The following C3orf70 variants were observed in gnomAD, a reference collection of about 807,000 sequenced individuals.
C3orf70 encodes UPF0524 protein C3orf70.
Under a neutral mutation model 20.7 loss-of-function variants are expected in C3orf70, and 15 were observed. That is an observed-to-expected ratio of 0.72 (90% CI 0.48 to 1.11). The LOEUF (loss-of-function observed/expected upper bound fraction) is 1.11, where lower values mean the gene tolerates loss of function less well. Among genes scored for constraint, C3orf70 ranks in the 50% most tolerant of loss-of-function variants. C3orf70 has a pLI of 0.00. For missense variants in C3orf70, 332 were observed against 317.6 expected, an observed-to-expected ratio of 1.05 and a Z score of -0.34; for synonymous variants, 161 against 125.7, an observed-to-expected ratio of 1.28 and a Z score of -1.88.
chr3:185,097,487 T>G (rs559091814), intron 1 of C3orf70, among the ~76,000 whole-genome samples: 8 of 152,344 alleles, frequency 5.3e-5, no homozygotes, highest in African/African-American at 1.9e-4. Context: ...ACTACTGAGT[T>G]AAAAGTGCTT....
At chr3:185,106,609 G>A (rs1412198362) in intron 1 of C3orf70, among the ~76,000 whole-genome samples, 6 of 152,218 alleles carry the variant, frequency 3.9e-5, no homozygotes, top group Non-Finnish European at 8.8e-5. Flanking sequence ...CACCATGAGG[G>A]CCCGTCCCAG....
At chr3:185,116,801 C>T (rs576043769) in intron 1 of C3orf70, among the ~76,000 whole-genome samples, 2 of 146,978 alleles carry the variant, frequency 1.4e-5, no homozygotes, top group Non-Finnish European at 3.0e-5. Flanking sequence ...TTTTTTGAGA[C>T]GGAGTCTTGC....
chr3:185,096,407 A>G (rs1025470371), intron 1 of C3orf70, among the ~76,000 whole-genome samples: 1 of 152,204 alleles, frequency 6.6e-6, no homozygotes, highest in African/African-American at 2.4e-5. Context: ...TGTAAAATCT[A>G]TAAAGGGAGT....
At chr3:185,141,959 G>A (rs1191679889) in intron 1 of C3orf70, among the ~76,000 whole-genome samples, 2 of 152,118 alleles carry the variant, frequency 1.3e-5, no homozygotes, top group Non-Finnish European at 2.9e-5. Context: ...GGTTTCCTTA[G>A]AAAAATGATT....
chr3:185,085,840 G>C (rs1033667534), intron 1 of C3orf70, among the ~76,000 whole-genome samples: 2 of 151,324 alleles, frequency 1.3e-5, no homozygotes, highest in Non-Finnish European at 1.5e-5. Context: ...GTATGGGCAC[G>C]GGATAGAGAA....
At chr3:185,121,030 C>T (rs187168050) in intron 1 of C3orf70, among the ~76,000 whole-genome samples, 17 of 152,148 alleles carry the variant, frequency 1.1e-4, no homozygotes, top group African/African-American at 2.4e-4. Context: ...TATATGTATA[C>T]GATGGAATAC....
intron 1 of C3orf70, among the ~76,000 whole-genome samples, chr3:185,130,377 C>T (rs1716500805): frequency 2.0e-5 from 3 of 152,148 alleles, no homozygotes; most frequent in Admixed American, 1.3e-4. Flanking sequence ...TGGCATGAAC[C>T]CGGGAGGCAG....
At position 185,152,848 on chromosome 3, in the gene C3orf70, A is replaced by C; in HGVS notation, c.-25T>G. ...TTTCCTCTCCCTCCGCGCGGAGCCG[A>C]CACCGGGAGCCCGGGAGAAGCGACG... On this transcript the variant is annotated 5_prime_UTR_variant, in exon 1 of 2. Transcript: ENST00000335012. The C allele has an allele frequency of 6.7e-7, 1 of 1,493,530 alleles. No homozygotes were observed. Among genetic ancestry groups the C allele is most frequent in the Non-Finnish European group, 9.0e-7 (1 of 1,117,124 alleles). 92.5% of individuals were successfully genotyped at this position (1,493,530 alleles called of 1,614,324 possible). A position where few individuals can be genotyped will look rare whatever the true frequency, so the allele number is the denominator to read the frequency against.
chr3:185,096,598 G>A (rs1162684088), intron 1 of C3orf70, among the ~76,000 whole-genome samples: 2 of 152,158 alleles, frequency 1.3e-5, no homozygotes, highest in Non-Finnish European at 2.9e-5. Flanking sequence ...TTGGTGGAGG[G>A]TGCGGAGGAC....
intron 1 of C3orf70, among the ~76,000 whole-genome samples, chr3:185,100,517 C>A (rs143004318): frequency 0.011 from 1,661 of 152,152 alleles, 18 homozygotes; most frequent in Non-Finnish European, 0.014. Context: ...ATACAACATA[C>A]CAGAATCCCT....
In C3orf70 at chr3:185,110,711, G is replaced by A. The variant is rs148766179; in HGVS notation, c.197-27148C>T. ...CCTGGCCCACCCAGGGCGGAAAACC[G>A]CTTAAAGCCATTCTTAAGCCACAAA... On this transcript the variant is annotated intron_variant, in intron 1 of 1. Transcript: ENST00000335012. Among the ~76,000 whole-genome samples the A allele has an allele frequency of 1.2e-3, 183 of 152,326 alleles. 3 individuals carry two copies. Among genetic ancestry groups the A allele is most frequent in the East Asian group, 0.01 (52 of 5,188 alleles).
intron 1 of C3orf70, among the ~76,000 whole-genome samples, chr3:185,094,888 T>C (rs762430746): frequency 1.3e-5 from 2 of 152,120 alleles, no homozygotes; most frequent in South Asian, 2.1e-4. Flanking sequence ...GAAAACCATA[T>C]GCTCAGAAAA....
intron 1 of C3orf70, among the ~76,000 whole-genome samples, chr3:185,093,120 C>T (rs970060914): frequency 2.0e-5 from 3 of 152,132 alleles, no homozygotes; most frequent in African/African-American, 7.2e-5. Flanking sequence ...AGCCACCAAC[C>T]CCCTCCCAGT....
At chr3:185,133,172 ACT>A (rs1028715419) in intron 1 of C3orf70, among the ~76,000 whole-genome samples, 1 of 152,146 alleles carries the variant, frequency 6.6e-6, no homozygotes, top group African/African-American at 2.4e-5. Flanking sequence ...TTGACAATAC[ACT>A]CTGTTGGTGA....
At chr3:185,149,394 C>CAAAA (rs34153305) in intron 1 of C3orf70, among the ~76,000 whole-genome samples, 1 of 104,388 alleles carries the variant, frequency 9.6e-6, no homozygotes, top group South Asian at 3.2e-4. Flanking sequence ...CTCTGTCTCC[C>CAAAA]AAAAAAAAAA....
intron 1 of C3orf70, among the ~76,000 whole-genome samples, chr3:185,140,756 C>T (rs2108605881): frequency 6.7e-6 from 1 of 149,970 alleles, no homozygotes; most frequent in Middle Eastern, 3.4e-3. Context: ...TGAGACCAGC[C>T]TGGCCATCAT....
chr3:185,135,335 A>G (rs1716600505), intron 1 of C3orf70, among the ~76,000 whole-genome samples: 2 of 152,190 alleles, frequency 1.3e-5, no homozygotes, highest in South Asian at 4.1e-4. Context: ...AGTATAAAGA[A>G]CCAGGCCAGG....
rs1265100985 is a variant in C3orf70 at position 185,076,959 on chromosome 3, G to A, written c.*6048C>T. Among the ~76,000 whole-genome samples the A allele has an allele frequency of 6.6e-6, 1 of 152,206 alleles. No individual in the cohort carries two copies. The highest frequency in any genetic ancestry group is 2.1e-4 in the South Asian group (1 of 4,828). On this transcript the variant is annotated 3_prime_UTR_variant, in exon 2 of 2. Coordinates refer to ENST00000335012, the MANE Select transcript of C3orf70 (RefSeq NM_001025266.3). ...AATTAGGTAGAGAGTTAAAACAGTA[G>A]AGTGCACACGCAGATGAGATGCGCT...
intron 1 of C3orf70, among the ~76,000 whole-genome samples, chr3:185,122,094 G>A (rs9837592): frequency 0.051 from 6,588 of 128,366 alleles, 537 homozygotes; most frequent in African/African-American, 0.18. Flanking sequence ...GCGAGACTCC[G>A]TCTCAAAAAA....
Sources: gnomAD v4.1 joint callset for allele counts (sites outside exome capture counted in the v4.1 genomes callset) on GRCh38, gnomAD v4.1.1 for gene constraint, MANE v1.5 for transcripts, NCBI Gene and HGNC (gene_info 2026-07-23, HGNC 2026-07-21) for gene names.